Variants in MAP2K3 observed in about 807,000 individuals in gnomAD.
MAP2K3 encodes the protein dual specificity mitogen-activated protein kinase kinase 3.
In MAP2K3, 30 loss-of-function variants were observed where a neutral mutation model predicts 46.4. The observed-to-expected ratio is 0.65, with a 90% CI of 0.48 to 0.88. MAP2K3 has a LOEUF of 0.88. Ranked by LOEUF, MAP2K3 falls within the 40% of genes least tolerant of loss-of-function variation. MAP2K3 has a pLI of 0.00. For missense variants in MAP2K3, 380 were observed against 464.5 expected (o/e 0.82, Z 1.67); for synonymous variants, 189 against 176.3 (o/e 1.07, Z -0.57).
chr17:21,304,412 T>A lies in MAP2K3; in HGVS notation c.569-14T>A, dbSNP rs745620376. ...GCTCCACAGACGTGGCTGAGGCATG[T>A]CCCTCCCTGGCAGATGTGAAGCCCT... On this transcript the variant is annotated splice_polypyrimidine_tract_variant and intron_variant, in intron 7 of 11. Coordinates refer to ENST00000342679, the MANE Select transcript of MAP2K3 (RefSeq NM_145109.3). 6.2e-7 allele frequency: 1 copy of A among 1,614,306 alleles called. No individual in the cohort carries two copies. Among genetic ancestry groups the A allele is most frequent in the East Asian group, 2.2e-5 (1 of 44,896 alleles).
At chr17:21,295,960 T>C in intron 1 of MAP2K3, 1 of 1,252,612 alleles carries the variant, frequency 8.0e-7, no homozygotes. Context: ...GCCCAGGGTC[T>C]CTGTGCAGAG....
chr17:21,313,141 TC>T (rs1402262885), intron 10 of MAP2K3, among the ~76,000 whole-genome samples: 2 of 152,202 alleles, frequency 1.3e-5, no homozygotes, highest in Non-Finnish European at 2.9e-5. Flanking sequence ...GACTAACTTC[TC>T]CCAGAACCCA....
At chr17:21,295,137 G>A (rs1252745668) in intron 1 of MAP2K3, among the ~76,000 whole-genome samples, 3 of 152,310 alleles carry the variant, frequency 2.0e-5, no homozygotes, top group African/African-American at 7.2e-5. Flanking sequence ...CAGAGGGAAG[G>A]GCATGTGTGA....
At chr17:21,303,141 AAC>A in intron 6 of MAP2K3, 40 bp from the exon 7 acceptor site, 2 of 1,613,560 alleles carry the variant, frequency 1.2e-6, no homozygotes, top group Middle Eastern at 1.7e-4. Context: ...GACCAGGAAT[AAC>A]AGAGTCCTGT....
At chr17:21,296,019 G>T (rs376487222) in intron 1 of MAP2K3, 3,388 of 1,278,740 alleles carry the variant, frequency 2.6e-3, no homozygotes, top group South Asian at 0.016. Context: ...CGAAAAGCCT[G>T]ACATCAGGAA....
At chr17:21,308,284 A>C (rs1326980052) in intron 9 of MAP2K3, among the ~76,000 whole-genome samples, 74 of 152,284 alleles carry the variant, frequency 4.9e-4, no homozygotes, top group African/African-American at 1.8e-3. Flanking sequence ...AGTAGCTAGG[A>C]TTACAGGCAT....
At chr17:21,293,127 A>C (rs1285941571) in intron 1 of MAP2K3, among the ~76,000 whole-genome samples, 2 of 152,308 alleles carry the variant, frequency 1.3e-5, no homozygotes, top group African/African-American at 4.8e-5. Flanking sequence ...AAGCTGCTCA[A>C]CGTGGAATTT....
chr17:21,307,140 G>T (rs78543204), intron 9 of MAP2K3, among the ~76,000 whole-genome samples: 29 of 152,414 alleles, frequency 1.9e-4, no homozygotes, highest in African/African-American at 7.0e-4. Context: ...ATCAGTTGGC[G>T]GGTGATGCTG....
Position 21,300,961 on chromosome 17 carries a change from A to G in MAP2K3, c.367A>G (p.Thr123Ala), listed in dbSNP as rs750313752. 3 of 1,614,162 alleles carry G rather than the reference A, an allele frequency of 1.9e-6. No homozygotes were observed. Among genetic ancestry groups the G allele is most frequent in the South Asian group, 1.1e-5 (1 of 91,082 alleles). ...INMRTVDCFY[T>A]VTFYGALFRE... Reference sequence around the variant, plus strand: ...CATGCGCACGGTCGACTGTTTCTACACTGTCACCTTCTACGGGGCACTATT... The same window carrying G: ...CATGCGCACGGTCGACTGTTTCTACGCTGTCACCTTCTACGGGGCACTATT... Residue 123 changes from threonine (T) to alanine (A), a missense_variant, in exon 5 of 12, where the codon ACT becomes GCT. Thr to Ala is a moderately conservative substitution (Grantham distance 58). Around this residue, in one of 5 missense-constraint regions of MAP2K3, gnomAD observed 294 missense variants for 275.4 expected, o/e 1.07. Transcript: ENST00000342679.
At chr17:21,303,669 T>C (rs950597508) in intron 7 of MAP2K3, among the ~76,000 whole-genome samples, 27 of 152,422 alleles carry the variant, frequency 1.8e-4, no homozygotes, top group Non-Finnish European at 3.1e-4. Context: ...AGTGGGTTGG[T>C]TTCGCCCTTT....
At chr17:21,303,949 T>C (rs1425290970) in intron 7 of MAP2K3, among the ~76,000 whole-genome samples, 1 of 152,272 alleles carries the variant, frequency 6.6e-6, no homozygotes, top group Non-Finnish European at 1.5e-5. Flanking sequence ...GATGTGAGTG[T>C]CCTATGCGCA....
intron 9 of MAP2K3, among the ~76,000 whole-genome samples, chr17:21,305,635 G>C (rs1006248735): frequency 1.3e-5 from 2 of 152,366 alleles, no homozygotes; most frequent in Non-Finnish European, 2.9e-5. Flanking sequence ...CCGAAGTCCA[G>C]GTGTAGGGAT....
rs776223052 is a variant in MAP2K3, at chr17:21,298,337, C to A, written c.50-76C>A. 5.0e-6 allele frequency: 8 copies of A among 1,595,392 alleles called. No homozygotes were observed. In the South Asian group the frequency reaches 7.7e-5, roughly 15 times the overall value. ...AGGCTGGCACCCTTGTGGGCCAGGGCCTGATGGCTCATGGGAGTGCAGGGG... is the reference window on the plus strand; with the variant it reads ...AGGCTGGCACCCTTGTGGGCCAGGGACTGATGGCTCATGGGAGTGCAGGGG... On this transcript the variant is annotated intron_variant, in intron 1 of 11. Coordinates refer to ENST00000342679, the MANE Select transcript of MAP2K3 (RefSeq NM_145109.3).
chr17:21,289,340 G>A (rs564772706), intron 1 of MAP2K3, among the ~76,000 whole-genome samples: 1 of 152,156 alleles, frequency 6.6e-6, no homozygotes, highest in South Asian at 2.1e-4. Context: ...GGGGAAGGTG[G>A]GGTGGGACTG....
At chr17:21,287,069 T>C (rs536523364) in intron 1 of MAP2K3, among the ~76,000 whole-genome samples, 42 of 152,288 alleles carry the variant, frequency 2.8e-4, no homozygotes, top group Middle Eastern at 6.8e-3. Flanking sequence ...GGAGCTAGGG[T>C]TCCCCCTAGG....
intron 5 of MAP2K3, among the ~76,000 whole-genome samples, chr17:21,301,334 C>T (rs1350280040): frequency 6.6e-6 from 1 of 152,310 alleles, no homozygotes; most frequent in African/African-American, 2.4e-5. Context: ...GTGGGGTGCC[C>T]AAGCAGGCAA....
chr17:21,304,463 C>T lies in MAP2K3; in HGVS notation c.606C>T (p.Gly202=), dbSNP rs760897275. The T allele has an allele frequency of 1.4e-5, 22 of 1,614,192 alleles. No individual in the cohort carries two copies. In the South Asian group the frequency reaches 2.2e-4, roughly 16 times the overall value. The change falls in exon 8 of 12, where the codon GGC becomes GGT. Residue 202 remains glycine, a synonymous_variant. Coordinates refer to ENST00000342679, the MANE Select transcript of MAP2K3 (RefSeq NM_145109.3). Reference sequence around the variant, plus strand: ...CCAATGTCCTTATCAACAAGGAGGGCCATGTGAAGATGTGTGACTTTGGCA... The same window carrying T: ...CCAATGTCCTTATCAACAAGGAGGGTCATGTGAAGATGTGTGACTTTGGCA... ...KPSNVLINKE[G]HVKMCDFGIS... is the part of the protein sequence containing the mutation.
At chr17:21,294,795 G>A (rs1457856750) in intron 1 of MAP2K3, among the ~76,000 whole-genome samples, 3 of 152,302 alleles carry the variant, frequency 2.0e-5, no homozygotes, top group African/African-American at 4.8e-5. Context: ...ATGGCATGAC[G>A]CTGATAACCC....
At chr17:21,310,922 A>AT in intron 9 of MAP2K3, among the ~76,000 whole-genome samples, 1 of 152,222 alleles carries the variant, frequency 6.6e-6, no homozygotes, top group East Asian at 1.9e-4. Flanking sequence ...TTTTCTAATT[A>AT]TAACTCTCAT....
Sources: gnomAD v4.1 joint callset for allele counts (sites outside exome capture counted in the v4.1 genomes callset) on GRCh38, gnomAD v4.1.1 for gene constraint, gnomAD v4.1.1 regional missense constraint, MANE v1.5 for transcripts, NCBI Gene and HGNC (gene_info 2026-07-23, HGNC 2026-07-21) for gene names.